The following CFAP20DC variants were observed in gnomAD, a reference collection of about 807,000 sequenced individuals.
CFAP20DC encodes protein CFAP20DC.
In CFAP20DC, 84 loss-of-function variants were observed where a neutral mutation model predicts 101.7. The ratio of observed to expected loss-of-function variants is 0.83; its 90% CI spans 0.69 to 0.99. CFAP20DC has a LOEUF of 0.99. CFAP20DC is among the 50% of genes least tolerant of loss of function. CFAP20DC has a pLI of 0.00. For missense variants in CFAP20DC, 1,007 were observed against 970.3 expected, an observed-to-expected ratio of 1.04 and a Z score of -0.50; for synonymous variants, 359 against 351.2, an observed-to-expected ratio of 1.02 and a Z score of -0.25.
At chr3:59,003,925 T>G (rs1179576606) in intron 4 of CFAP20DC, among the ~76,000 whole-genome samples, 1 of 152,170 alleles carries the variant, frequency 6.6e-6, no homozygotes, top group Non-Finnish European at 1.5e-5. Flanking sequence ...CAGAAGGAGC[T>G]CTCCTAACAG....
chr3:58,991,451 A>G (rs2092934147), intron 4 of CFAP20DC, among the ~76,000 whole-genome samples: 1 of 152,206 alleles, frequency 6.6e-6, no homozygotes. Context: ...CTCCCCTCAA[A>G]TAATATACTT....
chr3:58,790,468 C>T (rs567168879), intron 15 of CFAP20DC, among the ~76,000 whole-genome samples: 1 of 152,182 alleles, frequency 6.6e-6, no homozygotes, highest in East Asian at 1.9e-4. Context: ...TATCATGTAC[C>T]CATATAAACC....
intron 4 of CFAP20DC, among the ~76,000 whole-genome samples, chr3:58,977,876 G>C (rs182839013): frequency 5.9e-5 from 9 of 152,252 alleles, no homozygotes; most frequent in Admixed American, 5.9e-4. Flanking sequence ...ACCAAGGCTA[G>C]AACTCTGCAT....
At chr3:58,841,676 G>A (rs769333788) in intron 13 of CFAP20DC, among the ~76,000 whole-genome samples, 6 of 152,138 alleles carry the variant, frequency 3.9e-5, no homozygotes, top group Non-Finnish European at 4.4e-5. Context: ...TTTCAAAAAT[G>A]GAGATGTGAA....
At chr3:58,951,331 T>C (rs1318877301) in intron 4 of CFAP20DC, among the ~76,000 whole-genome samples, 3 of 152,310 alleles carry the variant, frequency 2.0e-5, no homozygotes, top group African/African-American at 7.2e-5. Context: ...AGTTCAACCA[T>C]TGTGGAAGTC....
At chr3:58,716,385 G>A (rs376627074), downstream of CFAP20DC, among the ~76,000 whole-genome samples, 5 of 151,584 alleles carry the variant, frequency 3.3e-5, no homozygotes, top group Admixed American at 6.6e-5. Flanking sequence ...GGATGGTCTC[G>A]ATCTCCTGAC....
At chr3:58,893,771 T>G (rs1411349900) in intron 6 of CFAP20DC, among the ~76,000 whole-genome samples, 2 of 149,208 alleles carry the variant, frequency 1.3e-5, no homozygotes, top group African/African-American at 4.9e-5. Context: ...TTCCTGGGCT[T>G]TTTTTTTTTG....
chr3:59,044,226 G>C (rs1399263451), intron 3 of CFAP20DC, among the ~76,000 whole-genome samples: 2 of 152,046 alleles, frequency 1.3e-5, no homozygotes, highest in Non-Finnish European at 2.9e-5. Flanking sequence ...AACGGTAATT[G>C]AATTTATAAA....
At chr3:58,936,726 A>G (rs189365962) in intron 5 of CFAP20DC, among the ~76,000 whole-genome samples, 4 of 152,288 alleles carry the variant, frequency 2.6e-5, no homozygotes, top group East Asian at 3.9e-4. Flanking sequence ...TTGAACAATG[A>G]GAACACATGG....
rs568748467 is a variant in CFAP20DC, at chr3:58,788,443, T to A, written c.2237+17952A>T. Reference sequence around the variant, plus strand: ...GAAGTAATGGGGAGCAAATGGGGAATCAACGAGAAAAATTTCTTACCTTTA... The same window carrying A: ...GAAGTAATGGGGAGCAAATGGGGAAACAACGAGAAAAATTTCTTACCTTTA... On this transcript the variant is annotated intron_variant, in intron 15 of 16. Coordinates refer to ENST00000482387, the MANE Select transcript of CFAP20DC (RefSeq NM_001394063.1). This position sits in a 1 kb window ranked among gnomAD's most constrained non-coding sequence, Gnocchi z 4.2. Among the ~76,000 whole-genome samples, 1 of 152,258 alleles carries A rather than the reference T, an allele frequency of 6.6e-6. No individual in the cohort carries two copies. The highest frequency in any genetic ancestry group is 2.1e-4 in the South Asian group (1 of 4,826).
intron 4 of CFAP20DC, among the ~76,000 whole-genome samples, chr3:59,003,735 CT>C (rs2108777927): frequency 6.6e-6 from 1 of 152,306 alleles, no homozygotes; most frequent in African/African-American, 2.4e-5. Flanking sequence ...TCAATCCTGA[CT>C]TTGCCACATT....
intron 12 of CFAP20DC, among the ~76,000 whole-genome samples, chr3:58,853,401 A>C (rs1322403376): frequency 2.0e-5 from 3 of 152,202 alleles, no homozygotes; most frequent in Non-Finnish European, 2.9e-5. Context: ...ATTCTACCAG[A>C]GGTACAAGGA....
chr3:59,041,215 T>G (rs1188556358), intron 3 of CFAP20DC, among the ~76,000 whole-genome samples: 7 of 152,052 alleles, frequency 4.6e-5, no homozygotes, highest in African/African-American at 1.7e-4. Flanking sequence ...ATGTCACAAA[T>G]CTCACTGAAT....
At chr3:58,867,959 A>G (rs1369837247) in intron 9 of CFAP20DC, 23 bp from the exon 10 acceptor site, 6 of 1,590,352 alleles carry the variant, frequency 3.8e-6, no homozygotes, top group Non-Finnish European at 5.1e-6. Flanking sequence ...ATCAAAGCAC[A>G]AAAGCCAGAA....
chr3:58,863,625 T>A lies in CFAP20DC; in HGVS notation c.1526A>T (p.Asp509Val), dbSNP rs373396484. 1 of 1,614,028 alleles carries A rather than the reference T, an allele frequency of 6.2e-7. No homozygotes were observed. The highest frequency in any genetic ancestry group is 1.3e-5 in the African/African-American group (1 of 74,916). ...ELSFILDLKE[D>V]NSVTSRDTQS... ...GGTGTCTCTGCTTGTCACACTGTTA[T>A]CCTCTTTTAGATCCAAAATAAATGA... is the stretch of plus-strand genomic sequence containing the variant. Residue 509 changes from aspartate (D) to valine (V), a missense_variant, in exon 12 of 17, where the codon GAT becomes GTT. By Grantham distance (152) the Asp-to-Val change is radical. Coordinates refer to ENST00000482387, the MANE Select transcript of CFAP20DC (RefSeq NM_001394063.1). This position sits in a 1 kb window ranked among gnomAD's most constrained non-coding sequence, Gnocchi z 5.9.
At chr3:58,898,894 G>A (rs538908476) in intron 6 of CFAP20DC, among the ~76,000 whole-genome samples, 22 of 150,298 alleles carry the variant, frequency 1.5e-4, no homozygotes, top group African/African-American at 5.2e-4. Flanking sequence ...TTATGTTATT[G>A]TTGTTTTCTC....
intron 5 of CFAP20DC, among the ~76,000 whole-genome samples, chr3:58,931,753 C>T (rs1035808250): frequency 1.3e-5 from 2 of 152,090 alleles, no homozygotes; most frequent in African/African-American, 2.4e-5. Flanking sequence ...GAAAGGACAT[C>T]GACACCAAAA....
chr3:58,850,458 C>T (rs896099347), intron 12 of CFAP20DC, among the ~76,000 whole-genome samples: 2 of 151,778 alleles, frequency 1.3e-5, no homozygotes, highest in Non-Finnish European at 2.9e-5. Flanking sequence ...CGTGGTGATG[C>T]TTGCCTGTAA....
intron 4 of CFAP20DC, among the ~76,000 whole-genome samples, chr3:58,966,177 G>C (rs1253249475): frequency 1.3e-5 from 2 of 152,152 alleles, no homozygotes; most frequent in Non-Finnish European, 2.9e-5. Flanking sequence ...GTTCCTTCCT[G>C]AGCATCCCTT....
Sources: gnomAD v4.1 joint callset for allele counts (sites outside exome capture counted in the v4.1 genomes callset) on GRCh38, gnomAD v4.1.1 for gene constraint, Gnocchi (gnomAD v3.1) non-coding constraint, MANE v1.5 for transcripts, NCBI Gene and HGNC (gene_info 2026-07-23, HGNC 2026-07-21) for gene names.